Variants in GPM6A observed in about 807,000 individuals in gnomAD.
GPM6A encodes the protein neuronal membrane glycoprotein M6-a.
In GPM6A, 7 loss-of-function variants were observed where a neutral mutation model predicts 32.1. That is an observed-to-expected ratio of 0.22 (90% CI 0.12 to 0.41). The LOEUF (loss-of-function observed/expected upper bound fraction) is 0.41, where lower values mean the gene tolerates loss of function less well. Among genes scored for constraint, GPM6A ranks in the 10% least tolerant of loss-of-function variants. The probability of loss-of-function intolerance (pLI) is 1.00; values close to 1 mark genes in which losing one functional copy is unlikely to be tolerated. For missense variants in GPM6A, 235 were observed against 347.2 expected (o/e 0.68, Z 2.57); for synonymous variants, 130 against 123.4 (o/e 1.05, Z -0.35).
intron 1 of GPM6A, among the ~76,000 whole-genome samples, chr4:175,895,228 C>A (rs976443877): frequency 5.3e-5 from 8 of 151,978 alleles, no homozygotes; most frequent in African/African-American, 1.9e-4. Context: ...ATATGTGATC[C>A]ATTTTGCTCT....
intron 1 of GPM6A, among the ~76,000 whole-genome samples, chr4:175,969,626 T>C (rs748793062): frequency 6.6e-6 from 1 of 151,934 alleles, no homozygotes; most frequent in Non-Finnish European, 1.5e-5. Flanking sequence ...CAGGAGAATC[T>C]CTTGAACCCG....
At chr4:175,936,292 C>A (rs1485218068) in intron 1 of GPM6A, among the ~76,000 whole-genome samples, 1 of 93,642 alleles carries the variant, frequency 1.1e-5, no homozygotes, top group Non-Finnish European at 1.7e-5. Flanking sequence ...GGCGACACAG[C>A]GAGACTCTGT....
intron 1 of GPM6A, among the ~76,000 whole-genome samples, chr4:175,758,527 G>A (rs892494097): frequency 6.6e-6 from 1 of 152,168 alleles, no homozygotes; most frequent in Non-Finnish European, 1.5e-5. Flanking sequence ...TAAATGTGGA[G>A]TGTTATTTAG....
rs1579371392 is a variant in GPM6A, at chr4:175,675,263, T to C, written c.231-1427A>G. On this transcript the variant is annotated intron_variant, in intron 2 of 6. Coordinates refer to ENST00000393658, the MANE Select transcript of GPM6A (RefSeq NM_201591.3). ...TGTATATATGTATATATATTATATA[T>C]ATATCTGCATGATCAGTGAGCTTTT... is the stretch of plus-strand genomic sequence containing the variant. Among the ~76,000 whole-genome samples the C allele has an allele frequency of 5.3e-5, 8 of 151,042 alleles. No individual in the cohort carries two copies. The South Asian group carries it at 1.7e-3, about 31-fold the overall frequency.
chr4:175,819,455 T>G (rs181309085), intron 1 of GPM6A, among the ~76,000 whole-genome samples: 146 of 152,298 alleles, frequency 9.6e-4, no homozygotes, highest in Admixed American at 1.9e-3. Flanking sequence ...CAAAGTATGA[T>G]AGGTGCAATT....
chr4:175,768,124 G>C (rs1733047593), intron 1 of GPM6A, among the ~76,000 whole-genome samples: 1 of 152,134 alleles, frequency 6.6e-6, no homozygotes, highest in African/African-American at 2.4e-5. Flanking sequence ...GGAAGAATTT[G>C]TTTTAATTAC....
At chr4:175,658,404 T>C (rs1742208397) in intron 3 of GPM6A, among the ~76,000 whole-genome samples, 1 of 151,920 alleles carries the variant, frequency 6.6e-6, no homozygotes. Context: ...AGATCAGTGG[T>C]TGCCAAGTGT....
At chr4:175,645,442 C>T (rs146358381) in intron 4 of GPM6A, among the ~76,000 whole-genome samples, 3 of 152,006 alleles carry the variant, frequency 2.0e-5, no homozygotes, top group South Asian at 4.1e-4. Context: ...AATTGTAGGC[C>T]GGGTGGGGTG....
chr4:175,931,605 T>C (rs180710061), intron 1 of GPM6A, among the ~76,000 whole-genome samples: 82 of 151,062 alleles, frequency 5.4e-4, no homozygotes, highest in African/African-American at 2.0e-3. Flanking sequence ...CAAGGCAAAA[T>C]AAAAACTTTT....
chr4:175,816,612 AGAG>A (rs1267521343), upstream of GPM6A, among the ~76,000 whole-genome samples: 3 of 152,206 alleles, frequency 2.0e-5, no homozygotes, highest in Non-Finnish European at 4.4e-5. Flanking sequence ...CAGAGAACAG[AGAG>A]GAGATGTGGA....
intron 3 of GPM6A, among the ~76,000 whole-genome samples, chr4:175,661,907 CATT>C (rs147243832): frequency 0.049 from 7,454 of 152,146 alleles, 402 homozygotes; most frequent in African/African-American, 0.14. Flanking sequence ...GAGAGATTAT[CATT>C]GAGTCAGAAC....
At chr4:175,746,079 C>A (rs1732091236) in intron 1 of GPM6A, among the ~76,000 whole-genome samples, 1 of 152,124 alleles carries the variant, frequency 6.6e-6, no homozygotes, top group African/African-American at 2.4e-5. Flanking sequence ...TCATCACCTG[C>A]TAAACTGAAA....
At chr4:175,908,601 C>T (rs1738204614) in intron 1 of GPM6A, among the ~76,000 whole-genome samples, 1 of 152,020 alleles carries the variant, frequency 6.6e-6, no homozygotes, top group Non-Finnish European at 1.5e-5. Context: ...AAGTTTGTAT[C>T]ATCAAAGGGG....
At chr4:175,731,697 G>A (rs1195231083) in intron 1 of GPM6A, among the ~76,000 whole-genome samples, 1 of 152,184 alleles carries the variant, frequency 6.6e-6, no homozygotes, top group African/African-American at 2.4e-5. Context: ...AAAGTTAGAT[G>A]ACGTCACTCC....
chr4:175,733,546 C>A (rs1731525401), intron 1 of GPM6A, among the ~76,000 whole-genome samples: 1 of 152,006 alleles, frequency 6.6e-6, no homozygotes. Context: ...CTCAATTGCC[C>A]TTTGTTGTTG....
chr4:175,800,053 T>C (rs970199981), intron 1 of GPM6A, among the ~76,000 whole-genome samples: 1 of 152,166 alleles, frequency 6.6e-6, no homozygotes, highest in Non-Finnish European at 1.5e-5. Context: ...TGTTTCAAAA[T>C]TGTAATTTCA....
At chr4:175,721,236 G>A (rs1457004879) in intron 1 of GPM6A, among the ~76,000 whole-genome samples, 4 of 150,164 alleles carry the variant, frequency 2.7e-5, no homozygotes, top group Non-Finnish European at 5.9e-5. Flanking sequence ...AGCACTCTGG[G>A]AGGCCAAAGT....
chr4:175,728,407 C>T (rs1437678617), intron 1 of GPM6A, among the ~76,000 whole-genome samples: 1 of 152,162 alleles, frequency 6.6e-6, no homozygotes, highest in Non-Finnish European at 1.5e-5. Flanking sequence ...CATAGAGCTT[C>T]TGAAGCCGGA....
intron 1 of GPM6A, among the ~76,000 whole-genome samples, chr4:175,944,262 C>G (rs1252166734): frequency 6.6e-6 from 1 of 151,982 alleles, no homozygotes; most frequent in African/African-American, 2.4e-5. Context: ...TGTTTGTGGC[C>G]TAAGATATGC....
Sources: allele counts gnomAD v4.1 joint callset (sites outside exome capture counted in the v4.1 genomes callset), GRCh38; gene constraint gnomAD v4.1.1; transcripts MANE v1.5; gene names NCBI Gene and HGNC (gene_info 2026-07-23, HGNC 2026-07-21).